The following SOS1 variants were observed in gnomAD, a reference collection of about 807,000 sequenced individuals.
The protein encoded by SOS1 is son of sevenless homolog 1.
SOS1 carries 25 observed loss-of-function variants against 157.6 expected under a neutral mutation model. The ratio of observed to expected loss-of-function variants is 0.16; its 90% CI spans 0.12 to 0.22. The LOEUF (loss-of-function observed/expected upper bound fraction) is 0.22. Ranked by LOEUF, SOS1 falls within the 10% of genes least tolerant of loss-of-function variation. SOS1 has a pLI of 1.00. For synonymous variants in SOS1, 528 were observed against 534.0 expected, an observed-to-expected ratio of 0.99 and a Z score of 0.16; for missense variants, 1,237 against 1,599.1, an observed-to-expected ratio of 0.77 and a Z score of 3.86.
intron 15 of SOS1, 148 bp downstream of exon 15, chr2:39,010,436 T>C: frequency 1.4e-6 from 1 of 690,952 alleles, no homozygotes; most frequent in Non-Finnish European, 2.6e-6. Flanking sequence ...GCCTGGGAGG[T>C]GGAGGTTTCA....
intron 1 of SOS1, among the ~76,000 whole-genome samples, chr2:39,119,216 T>C (rs1028980725): frequency 6.6e-6 from 1 of 152,162 alleles, no homozygotes; most frequent in African/African-American, 2.4e-5. Context: ...TTAAAAAAAA[T>C]TACATAGATG....
intron 10 of SOS1, among the ~76,000 whole-genome samples, chr2:39,016,312 G>A (rs1480071045): frequency 1.3e-5 from 2 of 152,046 alleles, no homozygotes; most frequent in Non-Finnish European, 2.9e-5. Context: ...TATACCTTCT[G>A]AGGCTAGAGT....
intron 1 of SOS1, among the ~76,000 whole-genome samples, chr2:39,116,955 C>T (rs1281941657): frequency 1.3e-5 from 2 of 152,002 alleles, no homozygotes; most frequent in African/African-American, 4.8e-5. Context: ...GTTCATAAAC[C>T]AGTTGTCTCT....
chr2:39,089,918 G>C (rs1672521348), intron 1 of SOS1, among the ~76,000 whole-genome samples: 2 of 150,730 alleles, frequency 1.3e-5, no homozygotes, highest in African/African-American at 2.4e-5. Flanking sequence ...TTTGAGGTTA[G>C]GAGTTCGAGA....
chr2:39,069,273 G>A (rs940789945), intron 1 of SOS1, among the ~76,000 whole-genome samples: 1 of 149,654 alleles, frequency 6.7e-6, no homozygotes, highest in East Asian at 2.0e-4. Context: ...TACTCCAGAG[G>A]CTGAGGTGAC....
chr2:39,010,485 G>A, intron 15 of SOS1, 99 bp downstream of exon 15: 1 of 1,144,770 alleles, frequency 8.7e-7, no homozygotes, highest in Non-Finnish European at 1.3e-6. Flanking sequence ...CTATGTGACA[G>A]AGCAAAACTC....
chr2:39,004,329 G>T (rs759442584), intron 17 of SOS1, among the ~76,000 whole-genome samples: 11 of 141,606 alleles, frequency 7.8e-5, no homozygotes, highest in African/African-American at 1.6e-4. Flanking sequence ...TGAGGCAGGA[G>T]AATGGCGTGA....
chr2:39,100,471 T>C (rs1033561686), intron 1 of SOS1, among the ~76,000 whole-genome samples: 1 of 152,166 alleles, frequency 6.6e-6, no homozygotes, highest in Admixed American at 6.6e-5. Context: ...TGGAATATCA[T>C]TCAGCCTTAA....
At chr2:39,040,850 G>T (rs564966193) in intron 6 of SOS1, among the ~76,000 whole-genome samples, 1 of 152,084 alleles carries the variant, frequency 6.6e-6, no homozygotes. Context: ...GTTCTTTTGG[G>T]TATATACCTA....
chr2:39,014,840 T>C lies in SOS1; in HGVS notation c.1865A>G (p.Asn622Ser), dbSNP rs145443784. 4.4e-6 allele frequency: 7 copies of C among 1,582,256 alleles called. No individual in the cohort carries two copies. The highest frequency in any genetic ancestry group is 6.1e-6 in the Non-Finnish European group (7 of 1,151,744). ...RLTYHMYADPNFVRTFLTTYR... is the reference protein window; with the variant it reads ...RLTYHMYADPSFVRTFLTTYR... Reference sequence around the variant, plus strand: ...TGTTGTAAGAAATGTCCGAACAAAATTGGGATCTAAGAAGAAAAAGGAAAA... The same window carrying C: ...TGTTGTAAGAAATGTCCGAACAAAACTGGGATCTAAGAAGAAAAAGGAAAA... Residue 622 changes from asparagine to serine, a missense_variant, in exon 11 of 23, where the codon AAT (asparagine) becomes AGT (serine). This residue lies in a region of SOS1 where 22 missense variants were observed against 46.3 expected (regional missense o/e 0.48). Transcript: ENST00000402219.
Position 39,097,986 on chromosome 2 carries a change from T to C in SOS1, c.87+22350A>G, listed in dbSNP as rs549294216. Among the ~76,000 whole-genome samples, 39 of 152,354 alleles carry C rather than the reference T, an allele frequency of 2.6e-4. 1 individual carries two copies. In the South Asian group the frequency reaches 8.1e-3, roughly 32 times the overall value. ...ACATATTTTTATTAGGAAATGTTTATATCAATACAGCAAAACTAAATTTTA... is the reference window on the plus strand; with the variant it reads ...ACATATTTTTATTAGGAAATGTTTACATCAATACAGCAAAACTAAATTTTA... On this transcript the variant is annotated intron_variant, in intron 1 of 22. Transcript: ENST00000402219.
chr2:39,063,465 C>T (rs1671481286), intron 2 of SOS1, among the ~76,000 whole-genome samples: 1 of 152,148 alleles, frequency 6.6e-6, no homozygotes, highest in African/African-American at 2.4e-5. Context: ...AACTGAAGCA[C>T]GACTCTACTT....
At chr2:39,073,885 CTTTT>C (rs1412314072) in intron 1 of SOS1, among the ~76,000 whole-genome samples, 5 of 152,066 alleles carry the variant, frequency 3.3e-5, no homozygotes, top group Non-Finnish European at 1.5e-5. Flanking sequence ...AGATCTGTTA[CTTTT>C]ATTTAAAAAT....
At chr2:39,090,013 G>A (rs996926432) in intron 1 of SOS1, among the ~76,000 whole-genome samples, 3 of 149,992 alleles carry the variant, frequency 2.0e-5, no homozygotes, top group African/African-American at 4.9e-5. Flanking sequence ...GGTGGCACAC[G>A]CTTGTAATCC....
In SOS1 at chr2:39,102,842, C is replaced by G. The variant is rs185291536; in HGVS notation, c.87+17494G>C. Among the ~76,000 whole-genome samples, 19 of 152,168 alleles carry G rather than the reference C, an allele frequency of 1.2e-4. No individual in the cohort carries two copies. The East Asian group carries it at 3.5e-3, about 28-fold the overall frequency. On this transcript the variant is annotated intron_variant, in intron 1 of 22. Transcript: ENST00000402219. ...TGGTGGCATGCACCTGTAGTCCCAA[C>G]TACTCAGGAGGCTGAGATGGGAAGA...
chr2:39,040,966 C>G (rs916461333), intron 6 of SOS1, among the ~76,000 whole-genome samples: 1 of 152,178 alleles, frequency 6.6e-6, no homozygotes, highest in African/African-American at 2.4e-5. Context: ...CAGCAAAATA[C>G]GAGGGTCTCA....
At position 38,997,972 on chromosome 2, in the gene SOS1, G is replaced by A. The variant is rs577256391; in HGVS notation, c.2792-547C>T. Among the ~76,000 whole-genome samples the A allele has an allele frequency of 8.5e-5, 13 of 152,294 alleles. No individual in the cohort carries two copies. The East Asian group carries it at 1.4e-3, about 16-fold the overall frequency. On this transcript the variant is annotated intron_variant, in intron 17 of 22. Coordinates refer to ENST00000402219, the MANE Select transcript of SOS1 (RefSeq NM_005633.4). ...GGTTGTTATGATTTGCAATTGAGAA[G>A]TAGTACTATTTGGATAGGCTTACTC... is the stretch of plus-strand genomic sequence containing the variant.
chr2:39,094,465 G>A (rs1367224719), intron 1 of SOS1, among the ~76,000 whole-genome samples: 3 of 152,010 alleles, frequency 2.0e-5, no homozygotes, highest in Non-Finnish European at 2.9e-5. Flanking sequence ...GACCAAGATG[G>A]TGAAACCCCG....
intron 6 of SOS1, among the ~76,000 whole-genome samples, chr2:39,050,311 T>C (rs1670961026): frequency 6.6e-6 from 1 of 152,184 alleles, no homozygotes; most frequent in Non-Finnish European, 1.5e-5. Context: ...AGGAGTTAGT[T>C]ACCTTTCTTT....
Sources: gnomAD v4.1 joint callset for allele counts (sites outside exome capture counted in the v4.1 genomes callset) on GRCh38, gnomAD v4.1.1 for gene constraint, gnomAD v4.1.1 regional missense constraint, MANE v1.5 for transcripts, NCBI Gene and HGNC (gene_info 2026-07-23, HGNC 2026-07-21) for gene names.